The following RABGAP1 variants were observed in gnomAD, a reference collection of about 807,000 sequenced individuals.
RABGAP1 encodes rab GTPase-activating protein 1.
A neutral mutation model predicts 137.6 loss-of-function variants in RABGAP1; 23 were observed. The ratio of observed to expected loss-of-function variants is 0.17; its 90% CI spans 0.12 to 0.24. RABGAP1 has a LOEUF of 0.24. Ranked by LOEUF, RABGAP1 falls within the 10% of genes least tolerant of loss-of-function variation. The pLI is 1.00. For missense variants in RABGAP1, 906 were observed against 1,275.8 expected (o/e 0.71, Z 4.42); for synonymous variants, 451 against 450.7 (o/e 1.00, Z -0.01).
At chr9:123,033,173 T>A (rs950646494) in intron 13 of RABGAP1, among the ~76,000 whole-genome samples, 1 of 152,208 alleles carries the variant, frequency 6.6e-6, no homozygotes, top group African/African-American at 2.4e-5. Flanking sequence ...AGCTAGAACT[T>A]CTTGTGCAGC....
At chr9:123,044,899 G>C (rs1353732034) in intron 13 of RABGAP1, among the ~76,000 whole-genome samples, 1 of 152,024 alleles carries the variant, frequency 6.6e-6, no homozygotes, top group Non-Finnish European at 1.5e-5. Context: ...AAAGTATCCA[G>C]CTGGACAGAA....
intron 2 of RABGAP1, among the ~76,000 whole-genome samples, chr9:122,967,179 AAAGT>A (rs1280057636): frequency 6.6e-6 from 1 of 152,214 alleles, no homozygotes; most frequent in African/African-American, 2.4e-5. Context: ...TAATAAGTGA[AAAGT>A]AACAAGATGC....
chr9:123,023,138 A>G (rs2791439), intron 13 of RABGAP1, among the ~76,000 whole-genome samples: 95,064 of 151,978 alleles, frequency 0.63, 36,951 homozygotes, highest in Non-Finnish European at 0.87. Flanking sequence ...CTGAGTAATC[A>G]TTATTCTGGC....
intron 19 of RABGAP1, among the ~76,000 whole-genome samples, chr9:123,081,432 CATT>C (rs759850517): frequency 4.6e-5 from 7 of 152,062 alleles, no homozygotes; most frequent in Admixed American, 6.6e-5. Context: ...CTTTTGTTGT[CATT>C]GTTGTGATAT....
At chr9:122,956,152 A>G (rs1834505043) in intron 1 of RABGAP1, among the ~76,000 whole-genome samples, 1 of 152,156 alleles carries the variant, frequency 6.6e-6, no homozygotes, top group African/African-American at 2.4e-5. Flanking sequence ...GTTCTAAGAA[A>G]CTGTGGTGTG....
upstream of RABGAP1, chr9:122,938,663 A>G (rs1168368982): frequency 4.6e-5 from 7 of 152,234 alleles, no homozygotes; most frequent in Non-Finnish European, 2.9e-5. Context: ...TGTTATATCT[A>G]TTGTAGATAC....
chr9:122,939,884 G>A (rs1833464536), upstream of RABGAP1: 1 of 152,154 alleles, frequency 6.6e-6, no homozygotes, highest in Non-Finnish European at 1.5e-5. Context: ...GGTTGATCGG[G>A]ATGCATTATC....
intron 13 of RABGAP1, among the ~76,000 whole-genome samples, chr9:123,022,523 C>CAAAAAAAA (rs1554719431): frequency 6.6e-6 from 1 of 152,032 alleles, no homozygotes; most frequent in Non-Finnish European, 1.5e-5. Flanking sequence ...TCTCCTGCCG[C>CAAAAAAAA]AGCCCCCTGA....
chr9:123,082,230 A>G (rs1359471715), intron 19 of RABGAP1, among the ~76,000 whole-genome samples: 2 of 152,140 alleles, frequency 1.3e-5, no homozygotes, highest in African/African-American at 4.8e-5. Flanking sequence ...TGAGGAGTTT[A>G]GATCCCCTGC....
At chr9:123,026,082 C>G (rs377178504) in intron 13 of RABGAP1, among the ~76,000 whole-genome samples, 8 of 142,700 alleles carry the variant, frequency 5.6e-5, no homozygotes, top group African/African-American at 1.8e-4. Flanking sequence ...CCAGCACTTT[C>G]GAAGACCGAG....
intron 13 of RABGAP1, among the ~76,000 whole-genome samples, chr9:123,037,096 T>C (rs2032704925): frequency 6.6e-6 from 1 of 152,110 alleles, no homozygotes; most frequent in Admixed American, 6.6e-5. Context: ...GAGGTTGTAA[T>C]CTGAATGCGA....
chr9:123,058,184 G>A (rs1198540448), intron 13 of RABGAP1, among the ~76,000 whole-genome samples: 3 of 152,296 alleles, frequency 2.0e-5, no homozygotes, highest in East Asian at 3.9e-4. Context: ...AGCAAAAGGG[G>A]TAGAATAGCT....
chr9:123,026,718 A>G (rs1206630750), intron 13 of RABGAP1, among the ~76,000 whole-genome samples: 1 of 152,192 alleles, frequency 6.6e-6, no homozygotes, highest in Non-Finnish European at 1.5e-5. Context: ...TGTGAATCAA[A>G]TAAGTTGGAG....
intron 17 of RABGAP1, among the ~76,000 whole-genome samples, chr9:123,074,697 A>G (rs1160603582): frequency 6.6e-6 from 1 of 152,240 alleles, no homozygotes; most frequent in Non-Finnish European, 1.5e-5. Context: ...AACCCAAAGT[A>G]ACAGTGATTT....
At chr9:123,000,126 A>G (rs147197220) in intron 10 of RABGAP1, among the ~76,000 whole-genome samples, 65 of 152,202 alleles carry the variant, frequency 4.3e-4, no homozygotes, top group Non-Finnish European at 7.9e-4. Flanking sequence ...TTTGCCTGCT[A>G]ATTTTCATGT....
chr9:122,999,382 C>T (rs112128448), intron 10 of RABGAP1, among the ~76,000 whole-genome samples: 7 of 151,348 alleles, frequency 4.6e-5, no homozygotes, highest in South Asian at 2.1e-4. Context: ...GTAAAGACAG[C>T]GTTTCACTCT....
intron 13 of RABGAP1, among the ~76,000 whole-genome samples, chr9:123,027,317 T>C (rs1801757944): frequency 6.6e-6 from 1 of 152,176 alleles, no homozygotes; most frequent in South Asian, 2.1e-4. Context: ...GGTTTCACCA[T>C]GTTGGCCAGG....
chr9:122,934,708 G>A, the RABGAP1 span, among the ~76,000 whole-genome samples: 14 of 151,840 alleles, frequency 9.2e-5, no homozygotes, highest in Non-Finnish European at 1.5e-4. Context: ...TTGAGACAGA[G>A]TCTCACTCTG....
the RABGAP1 span, among the ~76,000 whole-genome samples, chr9:122,934,993 G>A: frequency 1.3e-5 from 2 of 152,210 alleles, no homozygotes; most frequent in East Asian, 3.8e-4. Context: ...TAGATTTAAA[G>A]TAATTATTGA....
Sources: gnomAD v4.1 joint callset for allele counts (sites outside exome capture counted in the v4.1 genomes callset) on GRCh38, gnomAD v4.1.1 for gene constraint, MANE v1.5 for transcripts, NCBI Gene and HGNC (gene_info 2026-07-23, HGNC 2026-07-21) for gene names.